Variants in NRXN1 observed in about 807,000 individuals in gnomAD.
NRXN1 encodes neurexin 1.
Under a neutral mutation model 150.9 loss-of-function variants are expected in NRXN1, and 39 were observed. The observed-to-expected ratio is 0.26, with a 90% confidence interval of 0.20 to 0.34. The LOEUF is 0.34. NRXN1 is among the 10% of genes least tolerant of loss of function. NRXN1 has a pLI of 1.00. For synonymous variants in NRXN1, 924 were observed against 757.0 expected (o/e 1.22, Z -3.62); for missense variants, 1,815 against 1,949.9 (o/e 0.93, Z 1.30).
At chr2:50,239,284 T>A (rs891008287) in intron 17 of NRXN1, among the ~76,000 whole-genome samples, 2 of 151,800 alleles carry the variant, frequency 1.3e-5, no homozygotes, top group African/African-American at 4.8e-5. Flanking sequence ...TGATACTTAA[T>A]AATTAATTTT....
chr2:49,955,802 A>G (rs1191311297), intron 21 of NRXN1, among the ~76,000 whole-genome samples: 5 of 152,182 alleles, frequency 3.3e-5, no homozygotes, highest in Non-Finnish European at 7.4e-5. Context: ...GAGGCCAGCC[A>G]TAAGATTCAC....
At chr2:50,459,153 A>G (rs944512385) in intron 17 of NRXN1, among the ~76,000 whole-genome samples, 3 of 152,114 alleles carry the variant, frequency 2.0e-5, no homozygotes, top group African/African-American at 4.8e-5. Flanking sequence ...TCATAATTAT[A>G]TTATTTTAAA....
chr2:50,399,688 T>C (rs1055110026), intron 17 of NRXN1, among the ~76,000 whole-genome samples: 2 of 150,318 alleles, frequency 1.3e-5, no homozygotes, highest in Non-Finnish European at 3.0e-5. Context: ...GTTGTCCAAA[T>C]TGGTCTTTGT....
At chr2:50,478,442 A>G (rs564287080) in intron 15 of NRXN1, among the ~76,000 whole-genome samples, 2 of 152,330 alleles carry the variant, frequency 1.3e-5, no homozygotes, top group African/African-American at 4.8e-5. Flanking sequence ...GGGCAATTCA[A>G]GCAGACATTT....
chr2:50,373,665 AGAAAGAAAGAAAGAAAAGAAAGAAG>A (rs2080240586), intron 17 of NRXN1, among the ~76,000 whole-genome samples: 44 of 106,610 alleles, frequency 4.1e-4, no homozygotes, highest in East Asian at 7.1e-4. Context: ...AAAGAAAGAA[AGAAAGAAAGAAAGAAAAGAAAGAAG>A]GAAAGAAAGA....
chr2:50,853,164 ATCTG>A (rs1258582454), intron 5 of NRXN1, among the ~76,000 whole-genome samples: 1 of 152,142 alleles, frequency 6.6e-6, no homozygotes, highest in Non-Finnish European at 1.5e-5. Flanking sequence ...TCTGAGGACT[ATCTG>A]TATATATTGA....
chr2:50,942,021 T>C (rs530450787), intron 2 of NRXN1, among the ~76,000 whole-genome samples: 115 of 152,278 alleles, frequency 7.6e-4, no homozygotes, highest in Non-Finnish European at 1.5e-3. Flanking sequence ...GCTGCTCTGT[T>C]ATGCCTTGAG....
chr2:50,592,861 C>A (rs541870436), intron 8 of NRXN1, among the ~76,000 whole-genome samples: 1 of 152,222 alleles, frequency 6.6e-6, no homozygotes, highest in African/African-American at 2.4e-5. Flanking sequence ...GTGCAGAGAA[C>A]AAAACTTGCA....
At chr2:49,995,780 C>CA (rs1163315598) in intron 21 of NRXN1, among the ~76,000 whole-genome samples, 1,092 of 36,266 alleles carry the variant, frequency 0.03, 118 homozygotes, top group South Asian at 0.042. Flanking sequence ...GACTCCGTCT[C>CA]AAAAAAAAAA....
intron 12 of NRXN1, among the ~76,000 whole-genome samples, chr2:50,522,944 G>C (rs948028103): frequency 6.6e-6 from 1 of 151,406 alleles, no homozygotes; most frequent in Middle Eastern, 3.4e-3. Context: ...ATGCTGGTCA[G>C]GCTGGTCCTA....
intron 9 of NRXN1, among the ~76,000 whole-genome samples, chr2:50,552,226 G>A (rs935211524): frequency 1.4e-4 from 22 of 151,916 alleles, no homozygotes; most frequent in Admixed American, 7.2e-4. Flanking sequence ...TTGCCACTTC[G>A]GGTACCTCCA....
chr2:50,818,114 CA>C (rs199675644), intron 5 of NRXN1, among the ~76,000 whole-genome samples: 292 of 46,708 alleles, frequency 6.3e-3, no homozygotes, highest in African/African-American at 9.9e-3. Flanking sequence ...GACTCCATAG[CA>C]AAAAAAAAAA....
At chr2:50,773,739 G>T (rs1703279200) in intron 5 of NRXN1, among the ~76,000 whole-genome samples, 1 of 152,180 alleles carries the variant, frequency 6.6e-6, no homozygotes, top group South Asian at 2.1e-4. Flanking sequence ...CAGAAGCAAT[G>T]AAAGGGAAGG....
At chr2:50,606,661 T>C (rs892751167) in intron 8 of NRXN1, among the ~76,000 whole-genome samples, 13 of 151,520 alleles carry the variant, frequency 8.6e-5, no homozygotes, top group Admixed American at 3.3e-4. Flanking sequence ...TATTAGAATA[T>C]ATTCATTTGG....
intron 21 of NRXN1, among the ~76,000 whole-genome samples, chr2:49,961,021 A>G (rs1313826501): frequency 6.6e-6 from 1 of 152,094 alleles, no homozygotes; most frequent in East Asian, 1.9e-4. Flanking sequence ...TAAACAAATA[A>G]TATCATTTTT....
chr2:49,958,615 T>C (rs530240400), intron 21 of NRXN1, among the ~76,000 whole-genome samples: 1 of 152,310 alleles, frequency 6.6e-6, no homozygotes, highest in Non-Finnish European at 1.5e-5. Context: ...CCTTTTATCA[T>C]CATGCGAACT....
At chr2:50,344,095 A>T (rs1336882714) in intron 17 of NRXN1, among the ~76,000 whole-genome samples, 1 of 152,084 alleles carries the variant, frequency 6.6e-6, no homozygotes. Flanking sequence ...CAACTAGCGA[A>T]ATATTCAGAG....
chr2:50,377,224 C>T (rs1240382320), intron 17 of NRXN1, among the ~76,000 whole-genome samples: 7 of 152,046 alleles, frequency 4.6e-5, no homozygotes. Context: ...CACACATTAG[C>T]TATTTATCGT....
chr2:50,857,679 A>G (rs1675469555), intron 5 of NRXN1, among the ~76,000 whole-genome samples: 2 of 152,034 alleles, frequency 1.3e-5, no homozygotes, highest in Admixed American at 6.6e-5. Flanking sequence ...GTCAAGGTCT[A>G]TTTTCTCCAA....
Sources: allele counts gnomAD v4.1 joint callset (sites outside exome capture counted in the v4.1 genomes callset), GRCh38; gene constraint gnomAD v4.1.1; transcripts MANE v1.5; gene names NCBI Gene and HGNC (gene_info 2026-07-23, HGNC 2026-07-21).